The following SHTN1 variants were observed in gnomAD, a reference collection of about 807,000 sequenced individuals.
SHTN1 encodes shootin 1.
Under a neutral mutation model 83.1 loss-of-function variants are expected in SHTN1, and 42 were observed. The ratio of observed to expected loss-of-function variants is 0.51; its 90% CI spans 0.39 to 0.65. The LOEUF (loss-of-function observed/expected upper bound fraction) is 0.65. Ranked by LOEUF, SHTN1 falls within the 30% of genes least tolerant of loss-of-function variation. SHTN1 has a pLI of 0.00. For missense variants in SHTN1, 622 were observed against 737.8 expected (o/e 0.84, Z 1.82); for synonymous variants, 224 against 247.7 (o/e 0.90, Z 0.90).
At chr10:116,963,209 C>T (rs1166052047) in intron 3 of SHTN1, among the ~76,000 whole-genome samples, 3 of 149,364 alleles carry the variant, frequency 2.0e-5, no homozygotes, top group African/African-American at 7.4e-5. Context: ...GTAGCTGGGA[C>T]TACAGGCGCC....
intron 1 of SHTN1, among the ~76,000 whole-genome samples, chr10:117,054,687 G>A (rs1327274248): frequency 3.3e-5 from 5 of 151,916 alleles, no homozygotes; most frequent in Admixed American, 2.0e-4. Flanking sequence ...GATTACAGCC[G>A]TGAGCCACCG....
At chr10:117,018,772 C>T (rs891268507) in intron 2 of SHTN1, among the ~76,000 whole-genome samples, 26 of 152,068 alleles carry the variant, frequency 1.7e-4, no homozygotes, top group African/African-American at 5.1e-4. Flanking sequence ...GGGTTTTCAC[C>T]ATGTTGGCCA....
chr10:116,947,122 G>C (rs570501668), intron 7 of SHTN1, among the ~76,000 whole-genome samples: 3 of 152,268 alleles, frequency 2.0e-5, no homozygotes, highest in African/African-American at 7.2e-5. Flanking sequence ...AGGAGTTACT[G>C]CAAGACCGAA....
At chr10:116,927,938 A>C (rs774006413) in intron 10 of SHTN1, 47 bp from the exon 11 acceptor site, 6 of 1,599,850 alleles carry the variant, frequency 3.8e-6, no homozygotes, top group Non-Finnish European at 5.1e-6. Context: ...TAAGCAACTA[A>C]ACATTGTTTA....
chr10:116,908,198 A>C (rs1848048002), intron 14 of SHTN1, among the ~76,000 whole-genome samples: 4 of 152,168 alleles, frequency 2.6e-5, no homozygotes, highest in African/African-American at 9.7e-5. Context: ...CTGCCTAATC[A>C]ACTGGTTTGC....
At chr10:116,973,868 C>T (rs1407365796) in intron 2 of SHTN1, 3 of 1,285,662 alleles carry the variant, frequency 2.3e-6, no homozygotes, top group East Asian at 1.1e-4. Context: ...GTTTAAGAAT[C>T]CTTGGCATAC....
In SHTN1 at chr10:117,074,241, ATAAATTT is replaced by A. The variant is rs577490799; in HGVS notation, c.-188-25738_-188-25732del. On this transcript the variant is annotated intron_variant, in intron 1 of 17. Coordinates refer to the SHTN1 transcript ENST00000392901. ...TAATAGCTTTTGAGCTAACGGTGTCATAAATTTTAATAAAGCACATGTCAAAGCCTAT... is the reference window on the plus strand; with the variant it reads ...TAATAGCTTTTGAGCTAACGGTGTCATAATAAAGCACATGTCAAAGCCTAT... Among the ~76,000 whole-genome samples, 68 of 152,292 alleles carry A rather than the reference ATAAATTT, an allele frequency of 4.5e-4. 1 individual carries two copies. The South Asian group carries it at 5.8e-3, about 13-fold the overall frequency.
intron 2 of SHTN1, among the ~76,000 whole-genome samples, chr10:117,011,804 A>G (rs1852107540): frequency 6.6e-6 from 1 of 152,214 alleles, no homozygotes. Context: ...GAAAAAAATC[A>G]AAGAGTATCT....
intron 10 of SHTN1, among the ~76,000 whole-genome samples, chr10:116,928,326 T>C (rs1438649087): frequency 6.6e-6 from 1 of 152,210 alleles, no homozygotes; most frequent in African/African-American, 2.4e-5. Flanking sequence ...TCTCCCCTGC[T>C]TAATTTCCTT....
At chr10:116,900,810 A>G in intron 16 of SHTN1, 1 of 985,466 alleles carries the variant, frequency 1.0e-6, no homozygotes, top group Non-Finnish European at 1.2e-6. Context: ...ACACAGTGAA[A>G]TTAGATAAAA....
chr10:116,963,891 G>A (rs960249190), intron 3 of SHTN1, among the ~76,000 whole-genome samples: 1 of 151,612 alleles, frequency 6.6e-6, no homozygotes, highest in African/African-American at 2.4e-5. Context: ...TTGAATTAGC[G>A]AAGTTTGTCT....
intron 2 of SHTN1, among the ~76,000 whole-genome samples, chr10:117,047,485 C>T (rs1000028863): frequency 6.6e-6 from 1 of 152,120 alleles, no homozygotes; most frequent in Admixed American, 6.5e-5. Context: ...ATAATATGGT[C>T]CTAACTCTCA....
At chr10:116,896,451 G>A (rs774123691) in intron 16 of SHTN1, among the ~76,000 whole-genome samples, 4 of 152,032 alleles carry the variant, frequency 2.6e-5, no homozygotes, top group African/African-American at 7.2e-5. Flanking sequence ...AACCAGCTTC[G>A]GCTTGACTGT....
At chr10:116,921,293 T>C in intron 12 of SHTN1, 141 bp downstream of exon 12, 2 of 595,258 alleles carry the variant, frequency 3.4e-6, no homozygotes, top group Non-Finnish European at 3.0e-6. Flanking sequence ...CAATGACGGT[T>C]ACTGGTTCAT....
intron 1 of SHTN1, among the ~76,000 whole-genome samples, chr10:117,119,843 T>TAA (rs34968901): frequency 0.023 from 3,386 of 147,978 alleles, 118 homozygotes; most frequent in African/African-American, 0.073. Flanking sequence ...TAATCAGTTG[T>TAA]AAAAAAAAAA....
At chr10:116,896,400 T>C (rs114580446) in intron 16 of SHTN1, among the ~76,000 whole-genome samples, 10 of 152,328 alleles carry the variant, frequency 6.6e-5, no homozygotes, top group African/African-American at 1.7e-4. Context: ...AATGTGGGAC[T>C]AGTCAACCTA....
In SHTN1 at chr10:116,911,833, G is replaced by A. The variant is rs772447430; in HGVS notation, c.1316C>T (p.Ser439Leu). 32 of 1,610,748 alleles carry A rather than the reference G, an allele frequency of 2.0e-5. No homozygotes were observed. The highest frequency in any genetic ancestry group is 2.7e-5 in the African/African-American group (2 of 74,796). ...TARPKTKPES[S>L]KGCESAVDEL... is the part of the protein sequence containing the mutation. ...ATCCACTGCACTTTCGCAGCCTTTC[G>A]AAGATTCTGGCTATAATTTTAATAA... is the stretch of plus-strand genomic sequence containing the variant. Residue 439 changes from serine (S) to leucine (L), a missense_variant, in exon 14 of 17, where the codon TCG becomes TTG. By Grantham distance (145) the Ser-to-Leu change is moderately radical (BLOSUM62 -2). This residue lies in a region of SHTN1 where 231 missense variants were observed against 251.6 expected (regional missense o/e 0.92). Coordinates refer to ENST00000355371, the MANE Select transcript of SHTN1 (RefSeq NM_001127211.3).
intron 6 of SHTN1, among the ~76,000 whole-genome samples, chr10:116,949,735 T>C (rs1302383300): frequency 6.6e-6 from 1 of 152,182 alleles, no homozygotes; most frequent in Non-Finnish European, 1.5e-5. Flanking sequence ...CATGAACTTT[T>C]AAAATAAGAC....
intron 16 of SHTN1, 71 bp downstream of exon 16, chr10:116,901,694 T>C: frequency 7.1e-6 from 10 of 1,411,196 alleles, no homozygotes; most frequent in Middle Eastern, 2.0e-4. Context: ...AGGAAACAAA[T>C]CAAAGAAACA....
Sources: gnomAD v4.1 joint callset for allele counts (sites outside exome capture counted in the v4.1 genomes callset) on GRCh38, gnomAD v4.1.1 for gene constraint, gnomAD v4.1.1 regional missense constraint, MANE v1.5 for transcripts, NCBI Gene and HGNC (gene_info 2026-07-23, HGNC 2026-07-21) for gene names.